The following NCKAP5 variants were observed in gnomAD, a reference collection of about 807,000 sequenced individuals.
NCKAP5 encodes the protein NCK associated protein 5, also known as nck-associated protein 5.
A neutral mutation model predicts 167.0 loss-of-function variants in NCKAP5; 92 were observed. The observed-to-expected ratio is 0.55, with a 90% confidence interval of 0.47 to 0.66. The LOEUF (loss-of-function observed/expected upper bound fraction) is 0.66. NCKAP5 is among the 30% of genes least tolerant of loss of function. NCKAP5 has a pLI of 0.00. For missense variants in NCKAP5, 2,378 were observed against 2,315.0 expected (o/e 1.03, Z -0.56); for synonymous variants, 891 against 877.4 (o/e 1.02, Z -0.27).
At chr2:133,400,743 T>C (rs1688044261) in intron 3 of NCKAP5, among the ~76,000 whole-genome samples, 1 of 152,346 alleles carries the variant, frequency 6.6e-6, no homozygotes, top group East Asian at 1.9e-4. Context: ...AATACAATGA[T>C]TAAATGGTAT....
intron 6 of NCKAP5, among the ~76,000 whole-genome samples, chr2:133,035,509 G>T (rs769247522): frequency 6.6e-6 from 1 of 151,868 alleles, no homozygotes; most frequent in Non-Finnish European, 1.5e-5. Flanking sequence ...CATATGTTAC[G>T]TAACAAAACA....
intron 3 of NCKAP5, among the ~76,000 whole-genome samples, chr2:133,481,939 T>C (rs1008766925): frequency 3.3e-5 from 5 of 152,214 alleles, no homozygotes; most frequent in African/African-American, 7.2e-5. Flanking sequence ...TCAATCTTAC[T>C]ATATATTTGT....
At chr2:133,509,426 T>A (rs1477971218) in intron 3 of NCKAP5, among the ~76,000 whole-genome samples, 1 of 152,140 alleles carries the variant, frequency 6.6e-6, no homozygotes, top group Non-Finnish European at 1.5e-5. Flanking sequence ...ATTTCCTCTC[T>A]CCAACCTTCC....
At chr2:133,656,837 T>C in the NCKAP5 span, among the ~76,000 whole-genome samples, 4 of 152,148 alleles carry the variant, frequency 2.6e-5, no homozygotes, top group African/African-American at 9.7e-5. Flanking sequence ...ATAAGCTCTT[T>C]AGTGGTGATT....
intron 4 of NCKAP5, among the ~76,000 whole-genome samples, chr2:133,287,503 T>C (rs529283036): frequency 6.6e-6 from 1 of 152,252 alleles, no homozygotes; most frequent in East Asian, 1.9e-4. Context: ...ATTTGTCTGA[T>C]TGCTGACAAC....
intron 6 of NCKAP5, among the ~76,000 whole-genome samples, chr2:133,056,188 G>GA (rs2079793690): frequency 6.6e-6 from 1 of 152,056 alleles, no homozygotes; most frequent in Non-Finnish European, 1.5e-5. Context: ...TGCCTATCCA[G>GA]AACATCTCTG....
At chr2:132,945,420 C>T (rs1697637955) in intron 8 of NCKAP5, among the ~76,000 whole-genome samples, 1 of 152,008 alleles carries the variant, frequency 6.6e-6, no homozygotes, top group South Asian at 2.1e-4. Flanking sequence ...ATCTAGTTAG[C>T]TGAAAGGAGG....
At chr2:133,594,798 G>A in the NCKAP5 span, among the ~76,000 whole-genome samples, 3 of 152,100 alleles carry the variant, frequency 2.0e-5, no homozygotes, top group East Asian at 5.8e-4. Flanking sequence ...ACACCAAGAG[G>A]ATATGGGTAT....
chr2:133,352,025 A>G (rs543805129), intron 3 of NCKAP5, among the ~76,000 whole-genome samples: 7 of 152,220 alleles, frequency 4.6e-5, no homozygotes, highest in African/African-American at 1.7e-4. Flanking sequence ...TATGAAAAAA[A>G]ATGCAACTGG....
At chr2:133,091,613 C>T (rs576095943) in intron 6 of NCKAP5, among the ~76,000 whole-genome samples, 8 of 152,072 alleles carry the variant, frequency 5.3e-5, no homozygotes, top group East Asian at 1.9e-4. Flanking sequence ...CTTGGCCAGG[C>T]GCAGTGGCTC....
Position 132,920,771 on chromosome 2 carries a change from G to GTGTATATATATATATATA in NCKAP5, c.580-41856_580-41855insTATATATATATATATACA, listed in dbSNP as rs1219401757. 4.8e-4 allele frequency among the ~76,000 whole-genome samples: 15 copies of GTGTATATATATATATATA among 31,570 alleles called. 2 individuals are homozygous for GTGTATATATATATATATA. The highest frequency in any genetic ancestry group is 7.8e-4 in the Non-Finnish European group (12 of 15,328). The allele number at this position is 31,570 out of a possible 152,430, so 20.7% of individuals were successfully genotyped here. On this transcript the variant is annotated intron_variant, in intron 8 of 19. Transcript: ENST00000409261. The stretch of plus-strand genomic sequence containing the variant: ...TATATATATATGTATATATATGTAT[G>GTGTATATATATATATATA]TATATATATATATATATATATATAT...
At chr2:133,243,756 G>A (rs1445217395) in intron 4 of NCKAP5, among the ~76,000 whole-genome samples, 3 of 152,188 alleles carry the variant, frequency 2.0e-5, no homozygotes, top group Admixed American at 1.3e-4. Context: ...CAAACCACAA[G>A]TAAACATTTG....
chr2:132,782,520 T>C lies in NCKAP5; in HGVS notation c.4291A>G (p.Thr1431Ala), dbSNP rs756221410. ...GTTTCAAAAGTGCTTGGATGCTGAG[T>C]CCTCCCTGGGCTCTGCAGGGCTTCA... ...CPEALQSPGR[T>A]QHPSTFETSS... The change falls in exon 14 of 20, where the codon ACT becomes GCT. Residue 1431 changes from threonine (T) to alanine (A), a missense_variant. By Grantham distance (58) the Thr-to-Ala change is moderately conservative. Coordinates refer to ENST00000409261, the MANE Select transcript of NCKAP5 (RefSeq NM_207363.3). 2.5e-6 allele frequency: 4 copies of C among 1,601,644 alleles called. No individual in the cohort carries two copies. The highest frequency in any genetic ancestry group is 1.7e-5 in the Admixed American group (1 of 58,814).
chr2:133,148,597 G>C (rs937771742), intron 5 of NCKAP5, among the ~76,000 whole-genome samples: 1 of 152,114 alleles, frequency 6.6e-6, no homozygotes, highest in South Asian at 2.1e-4. Context: ...TTAAAGAACA[G>C]AACTTTATTT....
At chr2:132,909,319 C>G (rs1694254157) in intron 8 of NCKAP5, among the ~76,000 whole-genome samples, 3 of 152,066 alleles carry the variant, frequency 2.0e-5, no homozygotes, top group Admixed American at 1.3e-4. Flanking sequence ...GTACTCCAGC[C>G]TGGGTGACAG....
At chr2:132,702,439 A>G (rs1341516456) in intron 19 of NCKAP5, among the ~76,000 whole-genome samples, 1 of 152,126 alleles carries the variant, frequency 6.6e-6, no homozygotes, top group Non-Finnish European at 1.5e-5. Context: ...TTAACAAGCC[A>G]TAAACAGATC....
chr2:133,018,616 C>A (rs1172897157), intron 6 of NCKAP5, among the ~76,000 whole-genome samples: 1 of 152,120 alleles, frequency 6.6e-6, no homozygotes, highest in Non-Finnish European at 1.5e-5. Flanking sequence ...GGACTTAGAA[C>A]ACCTAGAACT....
At chr2:133,601,784 G>T in the NCKAP5 span, among the ~76,000 whole-genome samples, 1 of 152,038 alleles carries the variant, frequency 6.6e-6, no homozygotes, top group African/African-American at 2.4e-5. Flanking sequence ...ACTTTTTAAA[G>T]ATTTTTTTCA....
chr2:133,273,517 A>C (rs1005273959), intron 4 of NCKAP5, among the ~76,000 whole-genome samples: 3 of 152,014 alleles, frequency 2.0e-5, no homozygotes, highest in Admixed American at 1.3e-4. Flanking sequence ...GGAGGAGGAG[A>C]AAAAAGGAAG....
Sources: allele counts gnomAD v4.1 joint callset (sites outside exome capture counted in the v4.1 genomes callset), GRCh38; gene constraint gnomAD v4.1.1; transcripts MANE v1.5; gene names NCBI Gene and HGNC (gene_info 2026-07-23, HGNC 2026-07-21).